The following TMOD3 variants were observed in gnomAD, a reference collection of about 807,000 sequenced individuals.
TMOD3 encodes tropomodulin-3.
TMOD3 carries 20 observed loss-of-function variants against 39.2 expected under a neutral mutation model. The ratio of observed to expected loss-of-function variants is 0.51; its 90% CI spans 0.36 to 0.74. The LOEUF is 0.74. TMOD3 is among the 30% of genes least tolerant of loss of function. The pLI, the probability that TMOD3 is intolerant of heterozygous loss-of-function variation, is 0.00. For missense variants in TMOD3, 381 were observed against 412.8 expected (o/e 0.92, Z 0.67); for synonymous variants, 143 against 145.8 (o/e 0.98, Z 0.14).
intron 3 of TMOD3, among the ~76,000 whole-genome samples, chr15:51,886,085 C>T (rs1465137454): frequency 2.0e-5 from 3 of 151,534 alleles, no homozygotes; most frequent in Non-Finnish European, 4.4e-5. Context: ...CGGGCAGAGA[C>T]TCTCCTCACC....
At chr15:51,891,128 G>C (rs902114847) in intron 5 of TMOD3, among the ~76,000 whole-genome samples, 14 of 151,654 alleles carry the variant, frequency 9.2e-5, no homozygotes, top group African/African-American at 3.4e-4. Flanking sequence ...GATTTCCTCT[G>C]TTCTCTCCAA....
rs139176407 is a variant in TMOD3, at chr15:51,878,027, A to G, written c.283+8654A>G. 1.3e-4 allele frequency among the ~76,000 whole-genome samples: 20 copies of G among 152,158 alleles called. No individual in the cohort carries two copies. In the East Asian group the frequency reaches 2.7e-3, roughly 21 times the overall value. On this transcript the variant is annotated intron_variant, in intron 3 of 9. Coordinates refer to ENST00000308580, the MANE Select transcript of TMOD3 (RefSeq NM_014547.5). ...GCAGTTCCCTCCTTTCTGGTTCCCTATCCTTCAAACACTGGCTGCCTTGGT... is the reference window on the plus strand; with the variant it reads ...GCAGTTCCCTCCTTTCTGGTTCCCTGTCCTTCAAACACTGGCTGCCTTGGT...
intron 8 of TMOD3, 101 bp downstream of exon 8, chr15:51,900,399 C>T: frequency 7.3e-7 from 1 of 1,371,332 alleles, no homozygotes; most frequent in Non-Finnish European, 9.9e-7. Flanking sequence ...TGTCAGGGAT[C>T]CCTGTTGGAA....
chr15:51,896,562 A>G (rs2056622011), intron 7 of TMOD3, 36 bp downstream of exon 7: 32 of 1,496,872 alleles, frequency 2.1e-5, no homozygotes, highest in Non-Finnish European at 2.8e-5. Context: ...AAATTATGAC[A>G]TGCCCAGGGT....
intron 1 of TMOD3, among the ~76,000 whole-genome samples, chr15:51,839,309 A>G (rs1054014918): frequency 5.3e-5 from 8 of 151,734 alleles, no homozygotes; most frequent in African/African-American, 1.7e-4. Flanking sequence ...AGCTGGAACT[A>G]AAGGCACGTG....
At chr15:51,898,680 T>G (rs2056633608) in intron 7 of TMOD3, among the ~76,000 whole-genome samples, 1 of 152,246 alleles carries the variant, frequency 6.6e-6, no homozygotes, top group South Asian at 2.1e-4. Context: ...TTAGTATCTC[T>G]ACGCCCTATT....
chr15:51,886,711 T>C (rs1449121605), intron 3 of TMOD3, among the ~76,000 whole-genome samples: 1 of 150,564 alleles, frequency 6.6e-6, no homozygotes, highest in Non-Finnish European at 1.5e-5. Context: ...AGGGAGACCG[T>C]GGAGAGAGGG....
intron 5 of TMOD3, among the ~76,000 whole-genome samples, chr15:51,893,496 G>A (rs908609254): frequency 1.3e-5 from 2 of 152,112 alleles, no homozygotes; most frequent in Non-Finnish European, 2.9e-5. Context: ...GCTGAGCACA[G>A]TGGCTCCTGC....
At chr15:51,904,821 T>C (rs994561572) in intron 9 of TMOD3, among the ~76,000 whole-genome samples, 2 of 152,160 alleles carry the variant, frequency 1.3e-5, no homozygotes, top group African/African-American at 4.8e-5. Flanking sequence ...TGCTTTATGT[T>C]GTCTCTGAGC....
intron 1 of TMOD3, chr15:51,860,096 G>A (rs1037800670): frequency 3.0e-5 from 15 of 499,524 alleles, no homozygotes; most frequent in East Asian, 5.3e-5. Flanking sequence ...GTCTTATTTC[G>A]TTGTAGGCTG....
At chr15:51,906,782 A>G (rs946475923) in intron 9 of TMOD3, among the ~76,000 whole-genome samples, 6 of 152,160 alleles carry the variant, frequency 3.9e-5, no homozygotes, top group South Asian at 2.1e-4. Flanking sequence ...GCACTTTGGG[A>G]GGCTGAGGCA....
At chr15:51,870,171 T>C (rs2141690048) in intron 3 of TMOD3, among the ~76,000 whole-genome samples, 1 of 152,312 alleles carries the variant, frequency 6.6e-6, no homozygotes, top group African/African-American at 2.4e-5. Context: ...ACTCCTGACC[T>C]CAAGTGATCC....
In TMOD3 at chr15:51,908,866, G is replaced by T; in HGVS notation, c.*56G>T. 1 of 1,465,354 alleles carries T rather than the reference G, an allele frequency of 6.8e-7. No homozygotes were observed. The highest frequency in any genetic ancestry group is 9.2e-7 in the Non-Finnish European group (1 of 1,087,832). 90.8% of individuals were successfully genotyped at this position (1,465,354 alleles called of 1,614,324 possible). A position where few individuals can be genotyped will look rare whatever the true frequency, so the allele number is the denominator to read the frequency against. On this transcript the variant is annotated 3_prime_UTR_variant, in exon 10 of 10. Transcript: ENST00000308580. ...CAGAAGATCACCAAGGGCTCATGTT[G>T]GTGACATCATGTAAAATTTTCCTGG...
At chr15:51,898,733 G>A (rs1471539358) in intron 7 of TMOD3, among the ~76,000 whole-genome samples, 1 of 152,024 alleles carries the variant, frequency 6.6e-6, no homozygotes, top group African/African-American at 2.4e-5. Context: ...CATATTTTCT[G>A]TAGTTTAACC....
intron 3 of TMOD3, among the ~76,000 whole-genome samples, chr15:51,876,093 ATCTT>A (rs2056501684): frequency 6.6e-6 from 1 of 152,154 alleles, no homozygotes. Context: ...AATAGAGCCT[ATCTT>A]TCTTTATTTT....
At chr15:51,862,763 G>T in intron 1 of TMOD3, 48 bp from the exon 2 acceptor site, 1 of 876,496 alleles carries the variant, frequency 1.1e-6, no homozygotes, top group South Asian at 2.3e-5. Context: ...ATCTAAGTAG[G>T]TGGAGATGAC....
intron 9 of TMOD3, among the ~76,000 whole-genome samples, chr15:51,906,536 T>C (rs1595915043): frequency 6.6e-6 from 1 of 152,220 alleles, no homozygotes; most frequent in African/African-American, 2.4e-5. Flanking sequence ...CAATATTCTA[T>C]TTACCTTTGA....
Position 51,896,490 on chromosome 15 carries a change from T to C in TMOD3, c.699T>C (p.Ser233=). ...LETNTHVKCF[S]LAATRSNDPV... ...CCAACACACATGTGAAATGTTTCAG[T>C]CTTGCAGCCACCCGGAGCAATGACC... is the stretch of plus-strand genomic sequence containing the variant. Residue 233 remains serine, a synonymous_variant, in exon 7 of 10, where the codon AGT becomes AGC. Coordinates refer to ENST00000308580, the MANE Select transcript of TMOD3 (RefSeq NM_014547.5). The C allele has an allele frequency of 6.2e-7, 1 of 1,613,884 alleles. No individual in the cohort carries two copies. The highest frequency in any genetic ancestry group is 8.5e-7 in the Non-Finnish European group (1 of 1,179,814).
chr15:51,861,076 G>A (rs936406849), intron 1 of TMOD3: 7 of 647,372 alleles, frequency 1.1e-5, no homozygotes, highest in Middle Eastern at 7.2e-4. Context: ...TATCCAATGC[G>A]TGTTCTTCTC....
Sources: allele counts gnomAD v4.1 joint callset (sites outside exome capture counted in the v4.1 genomes callset), GRCh38; gene constraint gnomAD v4.1.1; transcripts MANE v1.5; gene names NCBI Gene and HGNC (gene_info 2026-07-23, HGNC 2026-07-21).